The following CTNNA2 variants were observed in gnomAD, a reference collection of about 807,000 sequenced individuals.
CTNNA2 encodes catenin alpha 2.
Under a neutral mutation model 101.0 loss-of-function variants are expected in CTNNA2, and 42 were observed. The observed-to-expected ratio is 0.42, with a 90% CI of 0.32 to 0.54. The LOEUF is 0.54. CTNNA2 is among the 20% of genes least tolerant of loss of function. CTNNA2 has a pLI of 0.14. For missense variants in CTNNA2, 871 were observed against 1,223.1 expected (o/e 0.71, Z 4.29); for synonymous variants, 450 against 456.4 (o/e 0.99, Z 0.18).
At chr2:79,270,877 G>A (rs1332973837) in intron 2 of CTNNA2, among the ~76,000 whole-genome samples, 12 of 152,010 alleles carry the variant, frequency 7.9e-5, no homozygotes. Context: ...AGTCTTCCAG[G>A]TAGGTGCTGC....
At chr2:80,533,606 A>C (rs998894966) in intron 9 of CTNNA2, among the ~76,000 whole-genome samples, 2 of 152,198 alleles carry the variant, frequency 1.3e-5, no homozygotes, top group African/African-American at 4.8e-5. Flanking sequence ...CGGATGGTTC[A>C]GTGCAGCCCT....
intron 7 of CTNNA2, among the ~76,000 whole-genome samples, chr2:80,067,441 A>G (rs144765249): frequency 9.2e-5 from 14 of 152,276 alleles, no homozygotes; most frequent in African/African-American, 2.6e-4. Flanking sequence ...ACTGAAAATA[A>G]TAACACCAAA....
chr2:79,481,541 G>A (rs757971583), intron 4 of CTNNA2, among the ~76,000 whole-genome samples: 1 of 152,026 alleles, frequency 6.6e-6, no homozygotes, highest in Admixed American at 6.6e-5. Context: ...TTAAGAGAGC[G>A]GATCTTAGTA....
At chr2:79,746,167 G>T (rs1671631345) in intron 3 of CTNNA2, among the ~76,000 whole-genome samples, 2 of 152,158 alleles carry the variant, frequency 1.3e-5, no homozygotes, top group African/African-American at 2.4e-5. Flanking sequence ...TTATGTCGAA[G>T]AACTTTTTAT....
At chr2:80,070,447 C>T (rs959359728) in intron 7 of CTNNA2, among the ~76,000 whole-genome samples, 3 of 152,136 alleles carry the variant, frequency 2.0e-5, no homozygotes, top group Non-Finnish European at 4.4e-5. Flanking sequence ...GGGCCTCACA[C>T]CTGTAATCCC....
At chr2:79,605,233 G>A (rs1335253800) in intron 1 of CTNNA2, among the ~76,000 whole-genome samples, 1 of 152,118 alleles carries the variant, frequency 6.6e-6, no homozygotes, top group Non-Finnish European at 1.5e-5. Flanking sequence ...GGGACTAGTG[G>A]TAGATTCGCC....
chr2:79,343,962 G>A (rs545322049), intron 3 of CTNNA2, among the ~76,000 whole-genome samples: 4 of 152,064 alleles, frequency 2.6e-5, no homozygotes, highest in African/African-American at 7.2e-5. Context: ...CATGTGGTAC[G>A]GATCTAAGAT....
chr2:80,211,708 T>C, intron 7 of CTNNA2, among the ~76,000 whole-genome samples: 1 of 152,354 alleles, frequency 6.6e-6, no homozygotes, highest in East Asian at 1.9e-4. Context: ...GGGCTCTTTT[T>C]TGGTTCCATA....
At chr2:79,212,809 T>A (rs940800815) in intron 2 of CTNNA2, among the ~76,000 whole-genome samples, 3 of 152,160 alleles carry the variant, frequency 2.0e-5, no homozygotes, top group Admixed American at 2.0e-4. Context: ...TAAAGCTAAT[T>A]TGCCAGTCCT....
intron 3 of CTNNA2, among the ~76,000 whole-genome samples, chr2:79,367,446 G>A (rs548752308): frequency 6.6e-6 from 1 of 152,196 alleles, no homozygotes; most frequent in Non-Finnish European, 1.5e-5. Context: ...ATGGCAGTAT[G>A]TCCCATTTTC....
chr2:80,541,434 G>A (rs1051225285), intron 9 of CTNNA2, among the ~76,000 whole-genome samples: 1 of 152,136 alleles, frequency 6.6e-6, no homozygotes, highest in Non-Finnish European at 1.5e-5. Flanking sequence ...AGCATTGCTA[G>A]CTTGGTTTCC....
intron 9 of CTNNA2, among the ~76,000 whole-genome samples, chr2:80,422,749 C>T (rs1015191360): frequency 6.6e-6 from 1 of 152,076 alleles, no homozygotes; most frequent in Non-Finnish European, 1.5e-5. Flanking sequence ...CAAAGTTATG[C>T]TTTCCCTTAA....
intron 6 of CTNNA2, among the ~76,000 whole-genome samples, chr2:79,885,074 G>A (rs1210512077): frequency 1.3e-5 from 2 of 152,074 alleles, no homozygotes; most frequent in Non-Finnish European, 2.9e-5. Context: ...AGTTCACATG[G>A]CAGCAGTCAT....
chr2:79,806,410 CA>C (rs1008153246), intron 3 of CTNNA2, among the ~76,000 whole-genome samples: 37 of 152,040 alleles, frequency 2.4e-4, no homozygotes, highest in African/African-American at 8.9e-4. Context: ...TTGATTCCTA[CA>C]GTGTTATGAA....
chr2:79,492,819 C>T (rs1671217626), intron 4 of CTNNA2, among the ~76,000 whole-genome samples: 1 of 152,118 alleles, frequency 6.6e-6, no homozygotes. Flanking sequence ...CGCCAAAATA[C>T]TGGAAAAATG....
intron 7 of CTNNA2, among the ~76,000 whole-genome samples, chr2:80,002,160 T>G (rs1692993761): frequency 6.6e-6 from 1 of 152,230 alleles, no homozygotes; most frequent in African/African-American, 2.4e-5. Flanking sequence ...AATTTGCATT[T>G]ATGATATTTC....
intron 9 of CTNNA2, among the ~76,000 whole-genome samples, chr2:80,477,727 A>ATGTG (rs35938297): frequency 0.021 from 2,952 of 143,890 alleles, 71 homozygotes; most frequent in African/African-American, 0.048. Flanking sequence ...CATGGTGTGA[A>ATGTG]TGTGTGTGTG....
chr2:80,148,645 T>G (rs1374052226), intron 7 of CTNNA2, among the ~76,000 whole-genome samples: 3 of 152,248 alleles, frequency 2.0e-5, no homozygotes, highest in Non-Finnish European at 4.4e-5. Flanking sequence ...TCCCAAGCTC[T>G]TTGCTGAATT....
chr2:80,607,758 G>A (rs1698151709), intron 16 of CTNNA2, among the ~76,000 whole-genome samples: 1 of 151,852 alleles, frequency 6.6e-6, no homozygotes, highest in Admixed American at 6.6e-5. Flanking sequence ...CAACTAACTG[G>A]ATTGAAACTG....
Sources: gnomAD v4.1 joint callset for allele counts (sites outside exome capture counted in the v4.1 genomes callset) on GRCh38, gnomAD v4.1.1 for gene constraint, MANE v1.5 for transcripts, NCBI Gene and HGNC (gene_info 2026-07-23, HGNC 2026-07-21) for gene names.